Variants in RFPL4AL1 observed in about 807,000 individuals in gnomAD.
The protein encoded by RFPL4AL1 is ret finger protein like 4A like 1.
Under a neutral mutation model 8.2 loss-of-function variants are expected in RFPL4AL1, and 2 were observed. The observed-to-expected ratio is 0.24, with a 90% CI of 0.10 to 0.77. The LOEUF (loss-of-function observed/expected upper bound fraction) is 0.77. Among genes scored for constraint, RFPL4AL1 ranks in the 30% least tolerant of loss-of-function variants. RFPL4AL1 has a pLI of 0.72. For missense variants in RFPL4AL1, 57 were observed against 350.3 expected (o/e 0.16, Z 6.68); for synonymous variants, 25 against 131.8 (o/e 0.19, Z 5.55).
intron 1 of RFPL4AL1, among the ~76,000 whole-genome samples, chr19:55,770,641 G>T (rs142502741): frequency 4.7e-4 from 72 of 151,678 alleles, no homozygotes; most frequent in African/African-American, 1.7e-3. Flanking sequence ...ATTTAGTGTG[G>T]TAATGACCAC....
Position 55,773,071 on chromosome 19 carries a change from A to AT in RFPL4AL1, c.762dup (p.Ala255CysfsTer3), listed in dbSNP as rs771826516. 1.2e-5 allele frequency: 18 copies of AT among 1,457,750 alleles called. 1 individual carries two copies. Among genetic ancestry groups the AT allele is most frequent in the Middle Eastern group, 1.7e-4 (1 of 5,804 alleles). 90.3% of individuals were successfully genotyped at this position (1,457,750 alleles called of 1,614,324 possible). Reference sequence around the variant, plus strand: ...TTCCTGTTTGCGAGCCCTGGCGTCCATTTTTTGCTCATAAACGTGGAAGTC... The same window carrying AT: ...TTCCTGTTTGCGAGCCCTGGCGTCCATTTTTTTGCTCATAAACGTGGAAGTC... On this transcript the variant is annotated frameshift_variant, in exon 3 of 3. Transcript: ENST00000341750. LOFTEE classifies it low-confidence loss of function (END_TRUNC).
intron 1 of RFPL4AL1, among the ~76,000 whole-genome samples, chr19:55,769,720 G>A (rs933209454): frequency 1.3e-5 from 2 of 151,680 alleles, no homozygotes; most frequent in African/African-American, 2.4e-5. Flanking sequence ...ACAGGGTCTC[G>A]CTCTGTCTGC....
At chr19:55,769,767 A>AG (rs1390801451) in intron 1 of RFPL4AL1, among the ~76,000 whole-genome samples, 5 of 151,410 alleles carry the variant, frequency 3.3e-5, no homozygotes, top group Non-Finnish European at 7.4e-5. Context: ...TGATTCTATG[A>AG]GATCAGTCAA....
intron 1 of RFPL4AL1, among the ~76,000 whole-genome samples, chr19:55,770,624 G>T (rs2547280): frequency 0.21 from 31,503 of 148,998 alleles, 4,055 homozygotes; most frequent in Middle Eastern, 0.38. Context: ...ACACTGCAGA[G>T]TGTGTGATTT....
At chr19:55,771,079 G>GTTTTTTTTTTTTTTTTTTTTTTTTTTTT (rs1243816491) in intron 1 of RFPL4AL1, among the ~76,000 whole-genome samples, 4 of 89,512 alleles carry the variant, frequency 4.5e-5, no homozygotes, top group Non-Finnish European at 5.0e-5. Flanking sequence ...TTTTAGTTCT[G>GTTTTTTTTTTTTTTTTTTTTTTTTTTTT]TTTTTTGTTT....
intron 2 of RFPL4AL1, 101 bp from the exon 3 acceptor site, chr19:55,772,501 T>A: frequency 1.0e-6 from 1 of 986,744 alleles, no homozygotes; most frequent in Non-Finnish European, 1.4e-6. Context: ...GAAAGTAGAA[T>A]AAAAGTAAAA....
chr19:55,771,086 G>GTTTTTTTTT (rs74183507), intron 1 of RFPL4AL1, among the ~76,000 whole-genome samples: 17 of 130,352 alleles, frequency 1.3e-4, no homozygotes, highest in East Asian at 6.7e-4. Context: ...TCTGTTTTTT[G>GTTTTTTTTT]TTTTTTTTTT....
At chr19:55,771,325 C>G (rs1169658570) in intron 1 of RFPL4AL1, among the ~76,000 whole-genome samples, 1 of 152,130 alleles carries the variant, frequency 6.6e-6, no homozygotes. Flanking sequence ...TAGAACAAAA[C>G]AAGCCTAATG....
intron 1 of RFPL4AL1, among the ~76,000 whole-genome samples, chr19:55,771,079 G>GTTTTTTTTTTTTTTTTTTTTTT (rs1243816491): frequency 7.8e-5 from 7 of 89,506 alleles, no homozygotes; most frequent in South Asian, 3.2e-4. Flanking sequence ...TTTTAGTTCT[G>GTTTTTTTTTTTTTTTTTTTTTT]TTTTTTGTTT....
rs576232840 is a variant in RFPL4AL1, at chr19:55,772,843, G to C, written c.528G>C (p.Gly176=). ...GCAAGGAATCTGTCAACCGACAGGG[G>C]AAGATTGAGCTTTCTTCAGAACACG... ...GVCKESVNRQ[G]KIELSSEHGF... The change falls in exon 3 of 3, where the codon GGG becomes GGC. Residue 176 remains glycine, a synonymous_variant. Coordinates refer to ENST00000341750, the MANE Select transcript of RFPL4AL1 (RefSeq NM_001277397.2). 7 of 1,550,816 alleles carry C rather than the reference G, an allele frequency of 4.5e-6. No homozygotes were observed. The African/African-American group carries it at 8.3e-5, about 18-fold the overall frequency.
intron 1 of RFPL4AL1, among the ~76,000 whole-genome samples, chr19:55,770,232 C>G (rs1336003078): frequency 1.3e-5 from 2 of 151,948 alleles, no homozygotes; most frequent in Non-Finnish European, 2.9e-5. Context: ...TCATAGCCAT[C>G]CTAGCAGAGA....
chr19:55,771,375 C>A (rs554391307), intron 1 of RFPL4AL1, among the ~76,000 whole-genome samples: 138 of 152,060 alleles, frequency 9.1e-4, no homozygotes, highest in Non-Finnish European at 1.5e-3. Context: ...ATGTGAGCAA[C>A]TTGAAACCTT....
intron 1 of RFPL4AL1, among the ~76,000 whole-genome samples, chr19:55,770,461 C>T (rs555133875): frequency 7.2e-5 from 11 of 151,998 alleles, no homozygotes; most frequent in African/African-American, 2.4e-4. Context: ...AAGCTGGTGG[C>T]GTTCAAAGGA....
intron 1 of RFPL4AL1, among the ~76,000 whole-genome samples, chr19:55,770,428 G>C (rs1989469860): frequency 2.0e-5 from 3 of 151,948 alleles, no homozygotes; most frequent in Admixed American, 2.0e-4. Context: ...ACTGTTAGGA[G>C]AGAAGTGTGG....
intron 1 of RFPL4AL1, among the ~76,000 whole-genome samples, chr19:55,770,087 G>GTTCTA (rs2122663206): frequency 6.6e-6 from 1 of 152,088 alleles, no homozygotes; most frequent in Admixed American, 6.6e-5. Flanking sequence ...AACACAGGCA[G>GTTCTA]TTCTATTCTT....
chr19:55,769,356 A>G (rs1477159741), intron 1 of RFPL4AL1, among the ~76,000 whole-genome samples, 181 bp downstream of exon 1: 1 of 151,946 alleles, frequency 6.6e-6, no homozygotes, highest in Non-Finnish European at 1.5e-5. Flanking sequence ...GATTTTCAAT[A>G]CCAAGGCAAG....
At chr19:55,771,086 G>GGTTTTT (rs1555799526) in intron 1 of RFPL4AL1, among the ~76,000 whole-genome samples, 4 of 130,376 alleles carry the variant, frequency 3.1e-5, no homozygotes, top group Non-Finnish European at 3.2e-5. Flanking sequence ...TCTGTTTTTT[G>GGTTTTT]TTTTTTTTTT....
At chr19:55,771,476 C>T (rs1228886718) in intron 1 of RFPL4AL1, among the ~76,000 whole-genome samples, 2 of 151,972 alleles carry the variant, frequency 1.3e-5, no homozygotes, top group East Asian at 3.8e-4. Context: ...TTCAGATACG[C>T]CCCATTTCAG....
Position 55,771,716 on chromosome 19 carries a change from A to C in RFPL4AL1, c.-9-80A>C, listed in dbSNP as rs1207781493. On this transcript the variant is annotated intron_variant, in intron 1 of 2. Transcript: ENST00000341750. ...GTGCCATGATAGCTCCATGCATGTA[A>C]AGATAAAAGCCCCAAACACTATCAG... 8 of 1,516,472 alleles carry C rather than the reference A, an allele frequency of 5.3e-6. No homozygotes were observed. In the African/African-American group the frequency reaches 1.1e-4, roughly 21 times the overall value. 93.9% of individuals were successfully genotyped at this position (1,516,472 alleles called of 1,614,324 possible). A position where few individuals can be genotyped will look rare whatever the true frequency, so the allele number is the denominator to read the frequency against.
Sources: allele counts gnomAD v4.1 joint callset (sites outside exome capture counted in the v4.1 genomes callset), GRCh38; gene constraint gnomAD v4.1.1; transcripts MANE v1.5; gene names NCBI Gene and HGNC (gene_info 2026-07-23, HGNC 2026-07-21).